Variants in ZNRF3 observed in about 807,000 individuals in gnomAD.
ZNRF3 encodes E3 ubiquitin-protein ligase ZNRF3.
A neutral mutation model predicts 72.5 loss-of-function variants in ZNRF3; 23 were observed. The ratio of observed to expected loss-of-function variants is 0.32; its 90% CI spans 0.23 to 0.45. The LOEUF (loss-of-function observed/expected upper bound fraction) is 0.45, where lower values mean the gene tolerates loss of function less well. Ranked by LOEUF, ZNRF3 falls within the 20% of genes least tolerant of loss-of-function variation. ZNRF3 has a pLI of 1.00. For missense variants in ZNRF3, 1,169 were observed against 1,272.1 expected, an observed-to-expected ratio of 0.92 and a Z score of 1.23; for synonymous variants, 610 against 545.3, an observed-to-expected ratio of 1.12 and a Z score of -1.65.
intron 1 of ZNRF3, among the ~76,000 whole-genome samples, chr22:28,898,594 G>A (rs763004934): frequency 2.1e-4 from 32 of 152,344 alleles, no homozygotes; most frequent in Non-Finnish European, 2.8e-4. Context: ...TTTTGGAGGC[G>A]TAGTAGAAGT....
At chr22:28,965,917 AAGAG>A (rs565778735) in intron 1 of ZNRF3, among the ~76,000 whole-genome samples, 3 of 152,186 alleles carry the variant, frequency 2.0e-5, no homozygotes, top group Admixed American at 6.5e-5. Context: ...ATTTTGTAGG[AAGAG>A]AGAGAGAAAT....
intron 1 of ZNRF3, among the ~76,000 whole-genome samples, chr22:28,926,179 T>G (rs2034596703): frequency 6.6e-6 from 1 of 152,228 alleles, no homozygotes. Context: ...TGGTCTGGCC[T>G]TGTGGCTACA....
In ZNRF3 at chr22:28,917,148, A is replaced by C. The variant is rs2034420986; in HGVS notation, c.300+33082A>C. 2.6e-5 allele frequency among the ~76,000 whole-genome samples: 4 copies of C among 152,264 alleles called. No individual in the cohort carries two copies. In the South Asian group the frequency reaches 8.3e-4, roughly 32 times the overall value. Reference sequence around the variant, plus strand: ...AGCGTCGGCCAGGTGGCAGGAGCTCAGCCCCACCTGAATGCTCCCAGGTCC... The same window carrying C: ...AGCGTCGGCCAGGTGGCAGGAGCTCCGCCCCACCTGAATGCTCCCAGGTCC... On this transcript the variant is annotated intron_variant, in intron 1 of 8. Transcript: ENST00000544604.
At chr22:28,901,097 C>T (rs142098380) in intron 1 of ZNRF3, among the ~76,000 whole-genome samples, 74 of 152,036 alleles carry the variant, frequency 4.9e-4, no homozygotes, top group Non-Finnish European at 8.7e-4. Flanking sequence ...GGTGACACAG[C>T]GAGACCTGTC....
At chr22:29,034,238 A>C (rs531085073) in intron 2 of ZNRF3, among the ~76,000 whole-genome samples, 1 of 152,294 alleles carries the variant, frequency 6.6e-6, no homozygotes, top group Middle Eastern at 3.4e-3. Context: ...GATGCCTGGC[A>C]CCCAGTTGGC....
At chr22:29,031,732 A>T in intron 2 of ZNRF3, 1 of 656,454 alleles carries the variant, frequency 1.5e-6, no homozygotes, top group Non-Finnish European at 1.9e-6. Flanking sequence ...GCCAAGAGGG[A>T]CCTGTGGGCG....
intron 2 of ZNRF3, among the ~76,000 whole-genome samples, chr22:29,000,480 T>G (rs1448890384): frequency 3.9e-5 from 6 of 152,334 alleles, no homozygotes; most frequent in African/African-American, 1.2e-4. Flanking sequence ...AACATAGTCA[T>G]TTTCTTGGTG....
At chr22:29,024,355 G>A (rs551182420) in intron 2 of ZNRF3, among the ~76,000 whole-genome samples, 23 of 143,950 alleles carry the variant, frequency 1.6e-4, no homozygotes, top group Non-Finnish European at 2.2e-4. Context: ...CTGCCTTCCT[G>A]AAACAATAAT....
Position 29,053,699 on chromosome 22 carries a change from A to G in ZNRF3, c.*77A>G, listed in dbSNP as rs1282926033. On this transcript the variant is annotated 3_prime_UTR_variant, in exon 9 of 9. Coordinates refer to ENST00000544604, the MANE Select transcript of ZNRF3 (RefSeq NM_001206998.2). ...CTGACTTCTTTCAAAAAACAAAAAC[A>G]AAAAATTTTTTTAGCTTTGACAAAC... is the stretch of plus-strand genomic sequence containing the variant. 3 of 1,473,150 alleles carry G rather than the reference A, an allele frequency of 2.0e-6. No individual in the cohort carries two copies. The highest frequency in any genetic ancestry group is 4.4e-5 in the Admixed American group (2 of 45,448). The allele number at this position is 1,473,150 out of a possible 1,614,324, so 91.3% of individuals were successfully genotyped here. A position where few individuals can be genotyped will look rare whatever the true frequency, so the allele number is the denominator to read the frequency against.
In ZNRF3 at chr22:29,049,783, C is replaced by A. The variant is rs1313126138; in HGVS notation, c.1602C>A (p.Gly534=). ...CGTCCAGCTTCAGCTGCTATCACGG[C>A]CACCGCTCGGTGTGCAGTGGCTACC... ...GSTSSFSCYH[G]HRSVCSGYLA... is the part of the protein sequence containing the mutation. Residue 534 remains glycine (G), a synonymous_variant, in exon 8 of 9, where the codon GGC becomes GGA. Coordinates refer to ENST00000544604, the MANE Select transcript of ZNRF3 (RefSeq NM_001206998.2). The surrounding 1 kb of genome is among the most constrained non-coding windows in gnomAD (Gnocchi z 5.2). The A allele has an allele frequency of 6.2e-7, 1 of 1,601,810 alleles. No individual in the cohort carries two copies. The highest frequency in any genetic ancestry group is 1.7e-5 in the Admixed American group (1 of 59,498).
chr22:28,894,635 C>T (rs1243278724), intron 1 of ZNRF3, among the ~76,000 whole-genome samples: 1 of 152,132 alleles, frequency 6.6e-6, no homozygotes, highest in Admixed American at 6.6e-5. Context: ...TCTTTCCTGT[C>T]GAGCAGGCTT....
intron 2 of ZNRF3, among the ~76,000 whole-genome samples, chr22:29,033,088 G>T (rs989264032): frequency 6.6e-6 from 1 of 151,462 alleles, no homozygotes; most frequent in Admixed American, 6.6e-5. Flanking sequence ...GGTGGCTCAG[G>T]CCTGTAATCC....
At chr22:29,005,436 C>T (rs2036224243) in intron 2 of ZNRF3, among the ~76,000 whole-genome samples, 2 of 152,174 alleles carry the variant, frequency 1.3e-5, no homozygotes, top group South Asian at 2.1e-4. Context: ...AGGAACCTTT[C>T]TGAAATTGAA....
chr22:29,022,391 C>G (rs1290094383), intron 2 of ZNRF3, among the ~76,000 whole-genome samples: 3 of 152,170 alleles, frequency 2.0e-5, no homozygotes, highest in Non-Finnish European at 2.9e-5. Flanking sequence ...GACACACTTT[C>G]TCTAAAGGCT....
At chr22:28,999,651 C>T (rs115713201) in intron 2 of ZNRF3, among the ~76,000 whole-genome samples, 3,535 of 152,264 alleles carry the variant, frequency 0.023, 143 homozygotes, top group African/African-American at 0.078. Context: ...CATGCACATA[C>T]GTTATGCCAG....
chr22:28,924,899 A>G (rs1490729624), intron 1 of ZNRF3, among the ~76,000 whole-genome samples: 3 of 152,106 alleles, frequency 2.0e-5, no homozygotes, highest in African/African-American at 7.2e-5. Flanking sequence ...GGAAGGAGAG[A>G]GGGGTCTCCA....
intron 1 of ZNRF3, among the ~76,000 whole-genome samples, chr22:28,897,316 C>T (rs2034016305): frequency 1.3e-5 from 2 of 152,100 alleles, no homozygotes; most frequent in African/African-American, 4.8e-5. Context: ...GCTTTTCTTT[C>T]TTTTTTAGGG....
intron 1 of ZNRF3, among the ~76,000 whole-genome samples, chr22:28,966,703 C>T (rs2035468597): frequency 6.6e-6 from 1 of 151,568 alleles, no homozygotes; most frequent in South Asian, 2.1e-4. Flanking sequence ...TACAGCTGTA[C>T]AATGTGTTTC....
chr22:29,014,391 G>A (rs568741876), intron 2 of ZNRF3, among the ~76,000 whole-genome samples: 12 of 152,184 alleles, frequency 7.9e-5, no homozygotes, highest in Non-Finnish European at 1.5e-4. Context: ...AGGAGTTGTA[G>A]TGCAGGCTTG....
Sources: allele counts gnomAD v4.1 joint callset (sites outside exome capture counted in the v4.1 genomes callset), GRCh38; gene constraint gnomAD v4.1.1; non-coding constraint Gnocchi (gnomAD v3.1); transcripts MANE v1.5; gene names NCBI Gene and HGNC (gene_info 2026-07-23, HGNC 2026-07-21).